LRRTM4: variants seen among roughly 807,000 people sequenced by gnomAD.
LRRTM4 encodes the protein leucine-rich repeat transmembrane neuronal protein 4.
LRRTM4 carries 25 observed loss-of-function variants against 47.6 expected under a neutral mutation model. The ratio of observed to expected loss-of-function variants is 0.53; its 90% confidence interval spans 0.38 to 0.73. The LOEUF (loss-of-function observed/expected upper bound fraction) is 0.73. Ranked by LOEUF, LRRTM4 falls within the 30% of genes least tolerant of loss-of-function variation. The probability of loss-of-function intolerance (pLI) is 0.00; values close to 1 mark genes in which losing one functional copy is unlikely to be tolerated. For synonymous variants in LRRTM4, 311 were observed against 269.5 expected (o/e 1.15, Z -1.51); for missense variants, 638 against 713.4 (o/e 0.89, Z 1.20).
chr2:77,099,551 T>C (rs776703776), intron 3 of LRRTM4, among the ~76,000 whole-genome samples: 6 of 152,146 alleles, frequency 3.9e-5, no homozygotes, highest in Middle Eastern at 3.4e-3. Flanking sequence ...TGGGATGCAG[T>C]TGGCAGTGGT....
At chr2:77,473,338 G>C (rs1008620589) in intron 3 of LRRTM4, among the ~76,000 whole-genome samples, 2 of 152,134 alleles carry the variant, frequency 1.3e-5, no homozygotes, top group Non-Finnish European at 2.9e-5. Flanking sequence ...GGCAGTTTTA[G>C]GATAAATAAG....
chr2:77,185,933 T>C (rs1673492249), intron 3 of LRRTM4, among the ~76,000 whole-genome samples: 1 of 152,100 alleles, frequency 6.6e-6, no homozygotes, highest in South Asian at 2.1e-4. Flanking sequence ...ACATGAGGAT[T>C]ATGTGAGATT....
chr2:77,356,579 G>A (rs1671976736), intron 3 of LRRTM4, among the ~76,000 whole-genome samples: 1 of 152,168 alleles, frequency 6.6e-6, no homozygotes, highest in Admixed American at 6.5e-5. Flanking sequence ...TTTGTTTAGA[G>A]AAATGCTGTT....
At chr2:76,882,444 C>A (rs1311170624) in intron 3 of LRRTM4, among the ~76,000 whole-genome samples, 1 of 151,940 alleles carries the variant, frequency 6.6e-6, no homozygotes, top group Non-Finnish European at 1.5e-5. Context: ...GTAACCCTTG[C>A]ATTTTGGGAG....
At chr2:77,324,410 T>G (rs972384868) in intron 3 of LRRTM4, among the ~76,000 whole-genome samples, 2 of 152,054 alleles carry the variant, frequency 1.3e-5, no homozygotes, top group African/African-American at 4.8e-5. Flanking sequence ...AAGTAAGGAA[T>G]AGTGTGAGAG....
intron 3 of LRRTM4, among the ~76,000 whole-genome samples, chr2:77,110,087 G>C (rs886327066): frequency 3.3e-5 from 5 of 152,206 alleles, no homozygotes; most frequent in Admixed American, 3.3e-4. Flanking sequence ...ATTGTTGAAA[G>C]GCATGAATCC....
rs536209592 is a variant in LRRTM4, at chr2:77,171,867, A to T, written c.1551+346451T>A. ...AAACAAAGGCCACTCTAGATATTCC[A>T]AAGGGGAAGATTTTCATACAGCAAA... On this transcript the variant is annotated intron_variant, in intron 3 of 3. Coordinates refer to ENST00000409884, the MANE Select transcript of LRRTM4 (RefSeq NM_001134745.3). Among the ~76,000 whole-genome samples, 9 of 152,224 alleles carry T rather than the reference A, an allele frequency of 5.9e-5. No individual in the cohort carries two copies. The East Asian group carries it at 1.7e-3, about 29-fold the overall frequency.
intron 3 of LRRTM4, among the ~76,000 whole-genome samples, chr2:77,045,735 G>A (rs1334455782): frequency 6.6e-6 from 1 of 151,932 alleles, no homozygotes; most frequent in Non-Finnish European, 1.5e-5. Flanking sequence ...CCAGCCACAT[G>A]GAACTGTAAG....
chr2:76,905,537 C>A (rs943897779), intron 3 of LRRTM4, among the ~76,000 whole-genome samples: 1 of 151,820 alleles, frequency 6.6e-6, no homozygotes, highest in Non-Finnish European at 1.5e-5. Context: ...AGGCTTCAGA[C>A]GATCAAACTA....
At position 77,507,184 on chromosome 2, in the gene LRRTM4, G is replaced by A. The variant is rs367651123; in HGVS notation, c.1551+11134C>T. ...CATGTTAATCTACAAAATTATACTC[G>A]TTCATATCTCAGAATAACCTGTATC... On this transcript the variant is annotated intron_variant, in intron 3 of 3. Coordinates refer to ENST00000409884, the MANE Select transcript of LRRTM4 (RefSeq NM_001134745.3). 2.8e-4 allele frequency among the ~76,000 whole-genome samples: 43 copies of A among 151,978 alleles called. No homozygotes were observed. The East Asian group carries it at 6.6e-3, about 23-fold the overall frequency.
intron 3 of LRRTM4, among the ~76,000 whole-genome samples, chr2:76,957,260 G>A (rs1675705269): frequency 6.6e-6 from 1 of 151,624 alleles, no homozygotes; most frequent in African/African-American, 2.4e-5. Flanking sequence ...TCTGAAACAG[G>A]GCAAAATGGA....
intron 3 of LRRTM4, among the ~76,000 whole-genome samples, chr2:76,913,906 G>A (rs1176835969): frequency 1.3e-5 from 2 of 151,906 alleles, no homozygotes; most frequent in African/African-American, 2.4e-5. Context: ...ATAGTGATAG[G>A]AAACTTCCCT....
chr2:77,337,887 A>T (rs1671223338), intron 3 of LRRTM4, among the ~76,000 whole-genome samples: 2 of 152,130 alleles, frequency 1.3e-5, no homozygotes, highest in African/African-American at 4.8e-5. Context: ...CTGGTACAAA[A>T]ATAGACACAT....
chr2:76,807,419 T>TATACACACATATACAC (rs1670529700), intron 3 of LRRTM4, among the ~76,000 whole-genome samples: 3 of 85,662 alleles, frequency 3.5e-5, no homozygotes, highest in African/African-American at 5.8e-5. Context: ...TATATATATA[T>TATACACACATATACAC]ATATACATAT....
At chr2:76,890,688 C>T (rs528731530) in intron 3 of LRRTM4, among the ~76,000 whole-genome samples, 2 of 152,024 alleles carry the variant, frequency 1.3e-5, no homozygotes, top group East Asian at 3.9e-4. Flanking sequence ...GCCAACTAAA[C>T]TTTCCAAAAA....
At chr2:76,934,634 G>A (rs77393469) in intron 3 of LRRTM4, among the ~76,000 whole-genome samples, 3 of 152,124 alleles carry the variant, frequency 2.0e-5, no homozygotes, top group African/African-American at 4.8e-5. Context: ...GTATCAGTAC[G>A]ATGTCCCTGA....
intron 3 of LRRTM4, among the ~76,000 whole-genome samples, chr2:77,314,510 T>A (rs1677562129): frequency 6.6e-6 from 1 of 152,246 alleles, no homozygotes. Flanking sequence ...TTCAATCAGC[T>A]ATTTTCATTT....
At chr2:76,968,918 C>T (rs1274333730) in intron 3 of LRRTM4, among the ~76,000 whole-genome samples, 1 of 151,810 alleles carries the variant, frequency 6.6e-6, no homozygotes, top group Admixed American at 6.6e-5. Context: ...CCTAGCTCCT[C>T]CGTCAGTGCC....
chr2:77,386,330 TAAGTC>T (rs80317773), intron 3 of LRRTM4, among the ~76,000 whole-genome samples: 4,243 of 152,234 alleles, frequency 0.028, 90 homozygotes, highest in South Asian at 0.043. Context: ...GTTAATTACA[TAAGTC>T]AAGTATATCT....
Sources: gnomAD v4.1 joint callset for allele counts (sites outside exome capture counted in the v4.1 genomes callset) on GRCh38, gnomAD v4.1.1 for gene constraint, MANE v1.5 for transcripts, NCBI Gene and HGNC (gene_info 2026-07-23, HGNC 2026-07-21) for gene names.